Variants in TRABD2B observed in about 807,000 individuals in gnomAD.
TRABD2B encodes metalloprotease TIKI2.
TRABD2B carries 14 observed loss-of-function variants against 40.1 expected under a neutral mutation model. The observed-to-expected ratio is 0.35, with a 90% CI of 0.23 to 0.55. The LOEUF (loss-of-function observed/expected upper bound fraction) is 0.55. Ranked by LOEUF, TRABD2B falls within the 20% of genes least tolerant of loss-of-function variation. TRABD2B has a pLI of 0.90. For missense variants in TRABD2B, 541 were observed against 648.6 expected, an observed-to-expected ratio of 0.83 and a Z score of 1.80; for synonymous variants, 263 against 277.0, an observed-to-expected ratio of 0.95 and a Z score of 0.50.
chr1:47,811,492 G>T (rs1644964583), intron 2 of TRABD2B, among the ~76,000 whole-genome samples: 1 of 152,084 alleles, frequency 6.6e-6, no homozygotes, highest in Non-Finnish European at 1.5e-5. Flanking sequence ...TCCACCCAAA[G>T]ACCACCCTTA....
chr1:47,767,311 G>A (rs1193852404), intron 6 of TRABD2B, among the ~76,000 whole-genome samples: 3 of 152,166 alleles, frequency 2.0e-5, no homozygotes, highest in East Asian at 1.9e-4. Context: ...GGGGAGCACC[G>A]GGGGGCAGCA....
rs111490245 is a variant in TRABD2B, at chr1:47,840,083, T to C, written c.667-38464A>G. Among the ~76,000 whole-genome samples the C allele has an allele frequency of 1.1e-4, 17 of 152,188 alleles. 3 individuals carry two copies. The highest frequency in any genetic ancestry group is 3.9e-4 in the African/African-American group (16 of 41,522). On this transcript the variant is annotated intron_variant, in intron 2 of 6. Transcript: ENST00000606738. Reference sequence around the variant, plus strand: ...TGCAGCCCAGGGCCTAATGAGAGTCTGGGTTTGCTGAGTGAACAATCGGAG... The same window carrying C: ...TGCAGCCCAGGGCCTAATGAGAGTCCGGGTTTGCTGAGTGAACAATCGGAG...
At chr1:47,778,380 T>G in intron 5 of TRABD2B, 74 bp downstream of exon 5, 1 of 1,148,246 alleles carries the variant, frequency 8.7e-7, no homozygotes, top group South Asian at 1.3e-5. Flanking sequence ...CAGAAGCCTC[T>G]TCACAGCTCT....
chr1:47,934,032 A>T (rs900939867), intron 2 of TRABD2B, among the ~76,000 whole-genome samples: 8 of 152,216 alleles, frequency 5.3e-5, no homozygotes, highest in African/African-American at 1.7e-4. Flanking sequence ...GAGGGTAGAA[A>T]GAAGGGGTTG....
At position 47,836,009 on chromosome 1, in the gene TRABD2B, G is replaced by T. The variant is rs538532796; in HGVS notation, c.667-34390C>A. 3.0e-3 allele frequency among the ~76,000 whole-genome samples: 462 copies of T among 152,318 alleles called. 1 individual carries two copies. The highest frequency in any genetic ancestry group is 4.7e-3 in the Non-Finnish European group (318 of 68,036). On this transcript the variant is annotated intron_variant, in intron 2 of 6. Transcript: ENST00000606738. ...CTGATGAGGTACAAGGATGCAATTTGTATGACAATAATGGCACAAAGGAGG... is the reference window on the plus strand; with the variant it reads ...CTGATGAGGTACAAGGATGCAATTTTTATGACAATAATGGCACAAAGGAGG...
At chr1:47,990,540 C>G (rs1007638349) in intron 2 of TRABD2B, among the ~76,000 whole-genome samples, 7 of 151,778 alleles carry the variant, frequency 4.6e-5, no homozygotes, top group Non-Finnish European at 8.8e-5. Context: ...TCCCATGCAG[C>G]CTTCCTCTTT....
At chr1:47,857,578 T>C (rs1643905846) in intron 2 of TRABD2B, among the ~76,000 whole-genome samples, 1 of 152,152 alleles carries the variant, frequency 6.6e-6, no homozygotes, top group Non-Finnish European at 1.5e-5. Context: ...CCGAGGTCTG[T>C]CTGTTCACTT....
At chr1:47,841,479 C>G (rs1645396310) in intron 2 of TRABD2B, among the ~76,000 whole-genome samples, 1 of 152,252 alleles carries the variant, frequency 6.6e-6, no homozygotes, top group African/African-American at 2.4e-5. Flanking sequence ...TTCACTCACT[C>G]TTTCACTTAT....
At chr1:47,902,929 G>A (rs907575783) in intron 2 of TRABD2B, among the ~76,000 whole-genome samples, 7 of 152,184 alleles carry the variant, frequency 4.6e-5, no homozygotes, top group Admixed American at 3.3e-4. Context: ...GACAGCACAG[G>A]TCTAGTCATA....
Position 47,904,873 on chromosome 1 carries a change from G to A in TRABD2B, c.666+89161C>T, listed in dbSNP as rs536972531. ...TATAATATCCTCTGTGCTCTCTCCC[G>A]ATATAGGCTGACTCCTAATGCTCCA... On this transcript the variant is annotated intron_variant, in intron 2 of 6. Coordinates refer to ENST00000606738, the MANE Select transcript of TRABD2B (RefSeq NM_001194986.2). Among the ~76,000 whole-genome samples the A allele has an allele frequency of 1.1e-4, 16 of 152,220 alleles. No individual in the cohort carries two copies. In the South Asian group the frequency reaches 1.9e-3, roughly 18 times the overall value.
At chr1:47,826,837 G>T (rs1486519276) in intron 2 of TRABD2B, among the ~76,000 whole-genome samples, 1 of 152,150 alleles carries the variant, frequency 6.6e-6, no homozygotes, top group Non-Finnish European at 1.5e-5. Context: ...CCTCCCAAAG[G>T]GTCAGGATTA....
At chr1:47,960,981 C>T (rs367664499) in intron 2 of TRABD2B, among the ~76,000 whole-genome samples, 2 of 152,092 alleles carry the variant, frequency 1.3e-5, no homozygotes, top group Non-Finnish European at 2.9e-5. Context: ...GCTACAGTAA[C>T]CAAAACAGCA....
intron 2 of TRABD2B, among the ~76,000 whole-genome samples, chr1:47,810,112 G>A (rs1290527269): frequency 6.6e-6 from 1 of 151,240 alleles, no homozygotes; most frequent in Non-Finnish European, 1.5e-5. Flanking sequence ...TTGCTATGGA[G>A]AAAATAAGGC....
intron 2 of TRABD2B, among the ~76,000 whole-genome samples, chr1:47,872,890 C>T (rs1002615827): frequency 6.6e-6 from 1 of 152,038 alleles, no homozygotes; most frequent in African/African-American, 2.4e-5. Context: ...TATCTTTGTC[C>T]TTTGGGGCTG....
In TRABD2B at chr1:47,778,527, T is replaced by C; in HGVS notation, c.1006A>G (p.Asn336Asp). Reference sequence around the variant, plus strand: ...TGCCGCAGGATGTCGATGACTGTGTTGTTCCCCAGAAAGTGACCTGGAACA... The same window carrying C: ...TGCCGCAGGATGTCGATGACTGTGTCGTTCCCCAGAAAGTGACCTGGAACA... ...AFGAGHFLGN[N>D]TVIDILRQAG... The change falls in exon 5 of 7, where the codon AAC (asparagine) becomes GAC (aspartate). Residue 336 changes from asparagine (N) to aspartate (D), a missense_variant. Transcript: ENST00000606738. The C allele has an allele frequency of 6.5e-7, 1 of 1,536,136 alleles. No individual in the cohort carries two copies. Among genetic ancestry groups the C allele is most frequent in the Non-Finnish European group, 8.7e-7 (1 of 1,146,878 alleles).
At chr1:47,918,102 C>G (rs1644853633) in intron 2 of TRABD2B, among the ~76,000 whole-genome samples, 3 of 152,224 alleles carry the variant, frequency 2.0e-5, no homozygotes, top group Admixed American at 2.0e-4. Flanking sequence ...AAGGCCCAGT[C>G]AGAACATCAC....
intron 5 of TRABD2B, among the ~76,000 whole-genome samples, chr1:47,777,359 G>C (rs147884779): frequency 7.7e-4 from 118 of 152,328 alleles, no homozygotes; most frequent in Non-Finnish European, 1.4e-3. Context: ...CAGGTAGGAA[G>C]AGCAGCCTTG....
rs953942885 is a variant in TRABD2B at position 47,861,720 on chromosome 1, C to T, written c.667-60101G>A. Reference sequence around the variant, plus strand: ...GAGATTATACCAAGTCTCTAAACCTCCTTCAGAACACAGAAGCAGGGGGAT... The same window carrying T: ...GAGATTATACCAAGTCTCTAAACCTTCTTCAGAACACAGAAGCAGGGGGAT... On this transcript the variant is annotated intron_variant, in intron 2 of 6. Transcript: ENST00000606738. 3.3e-5 allele frequency among the ~76,000 whole-genome samples: 5 copies of T among 152,296 alleles called. No individual in the cohort carries two copies. In the East Asian group the frequency reaches 5.8e-4, roughly 18 times the overall value.
At chr1:47,925,353 A>G (rs1644955820) in intron 2 of TRABD2B, among the ~76,000 whole-genome samples, 2 of 152,230 alleles carry the variant, frequency 1.3e-5, no homozygotes, top group Non-Finnish European at 2.9e-5. Context: ...AAAGCAAAGA[A>G]CAAGGATATG....
Sources: gnomAD v4.1 joint callset for allele counts (sites outside exome capture counted in the v4.1 genomes callset) on GRCh38, gnomAD v4.1.1 for gene constraint, MANE v1.5 for transcripts, NCBI Gene and HGNC (gene_info 2026-07-23, HGNC 2026-07-21) for gene names.